HMGA1: variants seen among roughly 807,000 people sequenced by gnomAD.
HMGA1 encodes the protein high mobility group AT-hook 1.
A neutral mutation model predicts 15.1 loss-of-function variants in HMGA1; 1 was observed. That is an observed-to-expected ratio of 0.07 (90% confidence interval 0.02 to 0.31). HMGA1 has a LOEUF of 0.31. Among genes scored for constraint, HMGA1 ranks in the 10% least tolerant of loss-of-function variants. The pLI is 1.00. For synonymous variants in HMGA1, 56 were observed against 54.8 expected, an observed-to-expected ratio of 1.02 and a Z score of -0.10; for missense variants, 94 against 141.4, an observed-to-expected ratio of 0.66 and a Z score of 1.70.
At position 34,246,216 on chromosome 6, in the gene HMGA1, A is replaced by G. The variant is rs1762736990; in HGVS notation, c.*1332A>G. On this transcript the variant is annotated 3_prime_UTR_variant, in exon 6 of 6. Coordinates refer to ENST00000311487, the MANE Select transcript of HMGA1 (RefSeq NM_145899.3). ...TATTTGCAGTTACTTGAATAAAAAA[A>G]ATATCCTTTTCTGGACTGGAGTCTC... 4.0e-5 allele frequency: 12 copies of G among 301,846 alleles called. No homozygotes were observed. The East Asian group carries it at 6.1e-4, about 15-fold the overall frequency. The allele number at this position is 301,846 out of a possible 1,614,324, so 18.7% of individuals were successfully genotyped here.
At chr6:34,244,326 C>T (rs1382988820) in intron 5 of HMGA1, among the ~76,000 whole-genome samples, 2 of 152,114 alleles carry the variant, frequency 1.3e-5, no homozygotes, top group African/African-American at 2.4e-5. Context: ...ACACACTTCC[C>T]CTTCCTCCCC....
chr6:34,239,596 C>G (rs1001875604), intron 2 of HMGA1, among the ~76,000 whole-genome samples: 13 of 152,140 alleles, frequency 8.5e-5, no homozygotes, highest in African/African-American at 2.9e-4. Context: ...AGCCGCTTGT[C>G]CCACCCCTTA....
At chr6:34,240,129 G>A (rs926718430) in intron 2 of HMGA1, among the ~76,000 whole-genome samples, 1 of 152,178 alleles carries the variant, frequency 6.6e-6, no homozygotes, top group African/African-American at 2.4e-5. Context: ...TTTACCCTGG[G>A]TGAGAACAGA....
intron 3 of HMGA1, 134 bp downstream of exon 3, chr6:34,241,049 TC>T: frequency 9.7e-7 from 1 of 1,028,044 alleles, no homozygotes; most frequent in Non-Finnish European, 1.5e-6. Context: ...GGGTGTGTCC[TC>T]CCACCTGTGT....
intron 2 of HMGA1, among the ~76,000 whole-genome samples, chr6:34,239,530 A>C (rs1762124163): frequency 6.6e-6 from 1 of 152,212 alleles, no homozygotes; most frequent in African/African-American, 2.4e-5. Flanking sequence ...GAGGTAGTTC[A>C]GGCAGGTACC....
At chr6:34,243,370 C>G in intron 4 of HMGA1, 98 bp from the exon 5 acceptor site, 1 of 940,332 alleles carries the variant, frequency 1.1e-6, no homozygotes, top group East Asian at 2.6e-5. Flanking sequence ...TTGGGTCACC[C>G]TGAACAGGCA....
intron 2 of HMGA1, among the ~76,000 whole-genome samples, chr6:34,239,208 G>C (rs1480821600): frequency 1.3e-5 from 2 of 152,004 alleles, no homozygotes; most frequent in Non-Finnish European, 1.5e-5. Context: ...GGGCCCTCTA[G>C]AAATCACAAG....
At chr6:34,241,341 T>A (rs937752189) in intron 3 of HMGA1, among the ~76,000 whole-genome samples, 4 of 152,212 alleles carry the variant, frequency 2.6e-5, no homozygotes, top group African/African-American at 9.7e-5. Context: ...GTAAAATGAT[T>A]TTTGTCAATT....
chr6:34,237,699 C>CCGAGCT (rs1431279415), intron 2 of HMGA1, among the ~76,000 whole-genome samples: 1 of 150,720 alleles, frequency 6.6e-6, no homozygotes, highest in Non-Finnish European at 1.5e-5. Context: ...GAGCCCGAGC[C>CCGAGCT]CGAGCCCGGG....
chr6:34,244,927 T>C lies in HMGA1; in HGVS notation c.*43T>C. The C allele has an allele frequency of 6.5e-7, 1 of 1,549,664 alleles. No individual in the cohort carries two copies. ...CTCCTCACTGGAGGAGCAGCTTCCT[T>C]CTGGGACTGGACAGCTTTGCTCCGC... is the stretch of plus-strand genomic sequence containing the variant. On this transcript the variant is annotated 3_prime_UTR_variant, in exon 6 of 6. Coordinates refer to ENST00000311487, the MANE Select transcript of HMGA1 (RefSeq NM_145899.3).
At position 34,244,941 on chromosome 6, in the gene HMGA1, G is replaced by A; in HGVS notation, c.*57G>A. The A allele has an allele frequency of 6.5e-7, 1 of 1,548,116 alleles. No homozygotes were observed. Among genetic ancestry groups the A allele is most frequent in the Non-Finnish European group, 8.7e-7 (1 of 1,145,718 alleles). ...AGCAGCTTCCTTCTGGGACTGGACA[G>A]CTTTGCTCCGCTCCCACCGCCCCCA... On this transcript the variant is annotated 3_prime_UTR_variant, in exon 6 of 6. Coordinates refer to ENST00000311487, the MANE Select transcript of HMGA1 (RefSeq NM_145899.3).
At position 34,245,278 on chromosome 6, in the gene HMGA1, C is replaced by T. The variant is rs747119801; in HGVS notation, c.*394C>T. On this transcript the variant is annotated 3_prime_UTR_variant, in exon 6 of 6. Transcript: ENST00000311487. Reference sequence around the variant, plus strand: ...GCGCCCTCTCTGCTCCTTCACTGTTCCCTCTGGCTTCCCATAGTGGGGCCT... The same window carrying T: ...GCGCCCTCTCTGCTCCTTCACTGTTTCCTCTGGCTTCCCATAGTGGGGCCT... 43 of 1,373,230 alleles carry T rather than the reference C, an allele frequency of 3.1e-5. No individual in the cohort carries two copies. Among genetic ancestry groups the T allele is most frequent in the African/African-American group, 5.7e-5 (4 of 69,838 alleles). 85.1% of individuals were successfully genotyped at this position (1,373,230 alleles called of 1,614,324 possible).
chr6:34,241,850 C>T (rs990146052), intron 3 of HMGA1, among the ~76,000 whole-genome samples: 4 of 152,176 alleles, frequency 2.6e-5, no homozygotes, highest in Non-Finnish European at 4.4e-5. Flanking sequence ...TCTGTGCTGA[C>T]CTGGGCCCAG....
At chr6:34,237,800 G>A (rs1246349663) in intron 2 of HMGA1, among the ~76,000 whole-genome samples, 2 of 151,834 alleles carry the variant, frequency 1.3e-5, no homozygotes, top group Non-Finnish European at 2.9e-5. Context: ...AGTTCTGGAA[G>A]TGAGGGAGAT....
chr6:34,243,070 T>G (rs971442421), intron 4 of HMGA1, among the ~76,000 whole-genome samples: 15 of 151,680 alleles, frequency 9.9e-5, no homozygotes, highest in Non-Finnish European at 1.9e-4. Context: ...AAGGGCAGAG[T>G]GGGGAGAATG....
At chr6:34,243,354 A>G (rs1762455798) in intron 4 of HMGA1, 114 bp from the exon 5 acceptor site, 1 of 821,226 alleles carries the variant, frequency 1.2e-6, no homozygotes, top group Non-Finnish European at 2.1e-6. Context: ...CTGTTGGGTG[A>G]GAGTGTTGGG....
chr6:34,242,793 C>G lies in HMGA1; in HGVS notation c.217C>G (p.Arg73Gly). 1 of 1,582,460 alleles carries G rather than the reference C, an allele frequency of 6.3e-7. No homozygotes were observed. Among genetic ancestry groups the G allele is most frequent in the East Asian group, 2.3e-5 (1 of 43,460 alleles). The change falls in exon 4 of 6, where the codon CGG becomes GGG. Residue 73 changes from arginine (R) to glycine (G), a missense_variant and splice_region_variant. Coordinates refer to ENST00000311487, the MANE Select transcript of HMGA1 (RefSeq NM_145899.3). ...CAAAAACAAGGGTGCTGCCAAGACC[C>G]GGGTGAGACTTGAGATGGGACTACC... ...GSKNKGAAKT[R>G]KTTTTPGRKP...
Position 34,245,059 on chromosome 6 carries a change from C to T in HMGA1, c.*175C>T, listed in dbSNP as rs940773178. 1.5e-5 allele frequency: 23 copies of T among 1,535,196 alleles called. No homozygotes were observed. Among genetic ancestry groups the T allele is most frequent in the African/African-American group, 6.9e-5 (5 of 72,800 alleles). On this transcript the variant is annotated 3_prime_UTR_variant, in exon 6 of 6. Transcript: ENST00000311487. ...CCACCACACTACACAGCACACCAGCCGCTGCAGGGCTCCCATGGGCTGAGT... is the reference window on the plus strand; with the variant it reads ...CCACCACACTACACAGCACACCAGCTGCTGCAGGGCTCCCATGGGCTGAGT...
rs532749103 is a variant in HMGA1 at position 34,237,077 on chromosome 6, C to G, written c.-159+114C>G. Reference sequence around the variant, plus strand: ...GCCCAGCTTCCTGCCCCTCGCCATCCTTCGGGGGAGGGGGAATATTTTTGT... The same window carrying G: ...GCCCAGCTTCCTGCCCCTCGCCATCGTTCGGGGGAGGGGGAATATTTTTGT... On this transcript the variant is annotated intron_variant, in intron 1 of 5. Coordinates refer to ENST00000311487, the MANE Select transcript of HMGA1 (RefSeq NM_145899.3). 200 of 152,088 alleles carry G rather than the reference C, an allele frequency of 1.3e-3. 2 individuals are homozygous for G. Among genetic ancestry groups the G allele is most frequent in the Non-Finnish European group, 2.5e-3 (167 of 68,104 alleles). The allele number at this position is 152,088 out of a possible 1,614,324, so 9.4% of individuals were successfully genotyped here. A position where few individuals can be genotyped will look rare whatever the true frequency, so the allele number is the denominator to read the frequency against.
Sources: allele counts gnomAD v4.1 joint callset (sites outside exome capture counted in the v4.1 genomes callset), GRCh38; gene constraint gnomAD v4.1.1; transcripts MANE v1.5; gene names NCBI Gene and HGNC (gene_info 2026-07-23, HGNC 2026-07-21).